GABBR1: variants seen among roughly 807,000 people sequenced by gnomAD.
GABBR1 encodes the protein GABA-B receptor, R1 subunit.
GABBR1 carries 35 observed loss-of-function variants against 117.7 expected under a neutral mutation model. The ratio of observed to expected loss-of-function variants is 0.30; its 90% confidence interval spans 0.23 to 0.39. The LOEUF (loss-of-function observed/expected upper bound fraction) is 0.39. GABBR1 is among the 10% of genes least tolerant of loss of function. The probability of loss-of-function intolerance (pLI) is 1.00; values close to 1 mark genes in which losing one functional copy is unlikely to be tolerated. For synonymous variants in GABBR1, 442 were observed against 486.6 expected (o/e 0.91, Z 1.21); for missense variants, 709 against 1,241.8 (o/e 0.57, Z 6.45).
rs1761858690 is a variant in GABBR1, at chr6:29,605,556, G to T, written c.2439+13C>A. 2 of 1,612,502 alleles carry T rather than the reference G, an allele frequency of 1.2e-6. No individual in the cohort carries two copies. Among genetic ancestry groups the T allele is most frequent in the Non-Finnish European group, 1.7e-6 (2 of 1,179,946 alleles). On this transcript the variant is annotated intron_variant, in intron 20 of 22. Transcript: ENST00000377034. The surrounding 1 kb of genome is among the most constrained non-coding windows in gnomAD (Gnocchi z 4.2). ...TCAGCCTACAGGGTCAATGCCATGG[G>T]GTCAGTGCTCACTGCCACATTGTAG...
In GABBR1 at chr6:29,616,876, G is replaced by A. The variant is rs1215048120; in HGVS notation, c.1324-3391C>T. Among the ~76,000 whole-genome samples the A allele has an allele frequency of 3.9e-4, 58 of 148,502 alleles. 1 individual carries two copies. Among genetic ancestry groups the A allele is most frequent in the Non-Finnish European group, 7.3e-4 (49 of 67,086 alleles). The stretch of plus-strand genomic sequence containing the variant: ...AAAAAAAAAAAAAAAGGCTGGGCGC[G>A]GTGGCTCACGCCTGTAATCCCAGCA... On this transcript the variant is annotated intron_variant, in intron 11 of 22. Coordinates refer to ENST00000377034, the MANE Select transcript of GABBR1 (RefSeq NM_001470.4).
chr6:29,627,239 C>A lies in GABBR1; in HGVS notation c.657+247G>T, dbSNP rs918135367. 6.6e-6 allele frequency among the ~76,000 whole-genome samples: 1 copy of A among 152,170 alleles called. No individual in the cohort carries two copies. Among genetic ancestry groups the A allele is most frequent in the African/African-American group, 2.4e-5 (1 of 41,444 alleles). The stretch of plus-strand genomic sequence containing the variant: ...CGACACTTCTGCGAGACTCCCGCAG[C>A]GGGGCAGAAGGGTCTGCCTTGCAGC... On this transcript the variant is annotated intron_variant, in intron 6 of 22. Transcript: ENST00000377034. This position sits in a 1 kb window ranked among gnomAD's most constrained non-coding sequence, Gnocchi z 4.4.
Position 29,606,523 on chromosome 6 carries a change from G to T in GABBR1, c.2218-39C>A. On this transcript the variant is annotated intron_variant, in intron 18 of 22. Coordinates refer to ENST00000377034, the MANE Select transcript of GABBR1 (RefSeq NM_001470.4). The surrounding 1 kb of genome is among the most constrained non-coding windows in gnomAD (Gnocchi z 4.5). ...AAGGTCACAAGAAAGATGGTTGCCA[G>T]CCTCCCCTCCTCTCCTCAACGCTTC... 7.2e-7 allele frequency: 1 copy of T among 1,392,496 alleles called. No individual in the cohort carries two copies. Among genetic ancestry groups the T allele is most frequent in the Non-Finnish European group, 1.0e-6 (1 of 978,410 alleles). 86.3% of individuals were successfully genotyped at this position (1,392,496 alleles called of 1,614,324 possible).
chr6:29,609,196 G>T lies in GABBR1; in HGVS notation c.1859+33C>A. On this transcript the variant is annotated intron_variant, in intron 15 of 22. Transcript: ENST00000377034. The surrounding 1 kb of genome is among the most constrained non-coding windows in gnomAD (Gnocchi z 4.3). ...GGAACATGATCAGTATCTCAGAGAG[G>T]CAGACAAGGAAAACGTCAGAAGAGA... The T allele has an allele frequency of 6.2e-7, 1 of 1,604,444 alleles. No homozygotes were observed. Among genetic ancestry groups the T allele is most frequent in the Non-Finnish European group, 8.5e-7 (1 of 1,172,420 alleles).
rs780792151 is a variant in GABBR1, at chr6:29,632,341, C to CG, written c.44dup (p.Ala17ArgfsTer46). On this transcript the variant is annotated frameshift_variant, in exon 2 of 23. Transcript: ENST00000377034. LOFTEE classifies it high-confidence loss of function. This position sits in a 1 kb window ranked among gnomAD's most constrained non-coding sequence, Gnocchi z 5.8. ...TGGGGGTCTGCGCCCCGCCCGCGCC[C>CG]GGGGGGCGGAGGAAGAGTGGCGCCA... 6 of 1,364,488 alleles carry CG rather than the reference C, an allele frequency of 4.4e-6. No individual in the cohort carries two copies. Among genetic ancestry groups the CG allele is most frequent in the East Asian group, 3.1e-5 (1 of 32,360 alleles). The allele number at this position is 1,364,488 out of a possible 1,614,324, so 84.5% of individuals were successfully genotyped here.
intron 22 of GABBR1, among the ~76,000 whole-genome samples, 192 bp from the exon 23 acceptor site, chr6:29,603,908 A>T (rs1761675521): frequency 1.3e-5 from 2 of 152,110 alleles, no homozygotes; most frequent in Non-Finnish European, 2.9e-5. Flanking sequence ...CAGAGAACAT[A>T]AGGATACCGA....
intron 6 of GABBR1, among the ~76,000 whole-genome samples, chr6:29,624,979 G>A (rs1399639418): frequency 1.3e-5 from 2 of 151,980 alleles, no homozygotes; most frequent in Admixed American, 1.3e-4. Flanking sequence ...GGACTAAGGA[G>A]GGTGAAATGT....
intron 11 of GABBR1, among the ~76,000 whole-genome samples, chr6:29,615,195 G>A (rs771903980): frequency 1.3e-5 from 2 of 151,682 alleles, no homozygotes; most frequent in Non-Finnish European, 2.9e-5. Context: ...TGAGGGCTGA[G>A]GTGAGAAAAT....
chr6:29,611,012 G>C lies in GABBR1; in HGVS notation c.1631-11C>G. 6.2e-7 allele frequency: 1 copy of C among 1,609,582 alleles called. No individual in the cohort carries two copies. Among genetic ancestry groups the C allele is most frequent in the Non-Finnish European group, 8.5e-7 (1 of 1,176,918 alleles). On this transcript the variant is annotated splice_polypyrimidine_tract_variant and intron_variant, in intron 13 of 22. Coordinates refer to ENST00000377034, the MANE Select transcript of GABBR1 (RefSeq NM_001470.4). This position sits in a 1 kb window ranked among gnomAD's most constrained non-coding sequence, Gnocchi z 4.6. ...TCTTGTAGCTGCCACCTGGGCAGAC[G>C]ACAATAAAAGGAGTGACCACAGGTA...
Position 29,620,970 on chromosome 6 carries a change from G to C in GABBR1, c.1323+131C>G. On this transcript the variant is annotated intron_variant, in intron 11 of 22. Coordinates refer to ENST00000377034, the MANE Select transcript of GABBR1 (RefSeq NM_001470.4). The surrounding 1 kb of genome is among the most constrained non-coding windows in gnomAD (Gnocchi z 4.5). Reference sequence around the variant, plus strand: ...GGAAACATAATGCAGACAAGTTCAGGGTGGGCACAGCCCCCTCTTCTCCTT... The same window carrying C: ...GGAAACATAATGCAGACAAGTTCAGCGTGGGCACAGCCCCCTCTTCTCCTT... 1.5e-6 allele frequency: 1 copy of C among 681,742 alleles called. No individual in the cohort carries two copies. The highest frequency in any genetic ancestry group is 1.9e-5 in the South Asian group (1 of 52,406). 42.2% of individuals were successfully genotyped at this position (681,742 alleles called of 1,614,324 possible). A position where few individuals can be genotyped will look rare whatever the true frequency, so the allele number is the denominator to read the frequency against.
chr6:29,622,790 T>A lies in GABBR1; in HGVS notation c.963+515A>T, dbSNP rs3025627. 7.6e-3 allele frequency among the ~76,000 whole-genome samples: 1,153 copies of A among 152,098 alleles called. 10 individuals are homozygous for A. Among genetic ancestry groups the A allele is most frequent in the African/African-American group, 0.025 (1,019 of 41,470 alleles). On this transcript the variant is annotated intron_variant, in intron 8 of 22. Coordinates refer to ENST00000377034, the MANE Select transcript of GABBR1 (RefSeq NM_001470.4). This position sits in a 1 kb window ranked among gnomAD's most constrained non-coding sequence, Gnocchi z 4.6. Reference sequence around the variant, plus strand: ...CTCCTTGTCTGTCGGCTTCTCTCTCTTAGTACCAACTACCAGATCCATGCA... The same window carrying A: ...CTCCTTGTCTGTCGGCTTCTCTCTCATAGTACCAACTACCAGATCCATGCA...
At position 29,609,276 on chromosome 6, in the gene GABBR1, G is replaced by C. The variant is rs761843558; in HGVS notation, c.1812C>G (p.Val604=). ...TAAAGGACAGACAGACAACAGCTAG[G>C]ACAATGCCCAGGCTGGAGAGAACTG... ...SVSVLSSLGI[V]LAVVCLSFNI... The change falls in exon 15 of 23, where the codon GTC becomes GTG. Residue 604 remains valine (V), a synonymous_variant. Transcript: ENST00000377034. This position sits in a 1 kb window ranked among gnomAD's most constrained non-coding sequence, Gnocchi z 4.3. The C allele has an allele frequency of 3.1e-6, 5 of 1,612,908 alleles. No homozygotes were observed. Among genetic ancestry groups the C allele is most frequent in the Non-Finnish European group, 4.2e-6 (5 of 1,180,002 alleles).
Position 29,622,052 on chromosome 6 carries a change from C to T in GABBR1, c.1065+52G>A. The T allele has an allele frequency of 1.0e-5, 15 of 1,484,044 alleles. No homozygotes were observed. Among genetic ancestry groups the T allele is most frequent in the Admixed American group, 1.7e-5 (1 of 59,700 alleles). The allele number at this position is 1,484,044 out of a possible 1,614,324, so 91.9% of individuals were successfully genotyped here. A position where few individuals can be genotyped will look rare whatever the true frequency, so the allele number is the denominator to read the frequency against. ...GCTTTCCTCTCCAACCAGTCACTGTCCCCCAGCTTGGTCCCTCCGTAAACA... is the reference window on the plus strand; with the variant it reads ...GCTTTCCTCTCCAACCAGTCACTGTTCCCCAGCTTGGTCCCTCCGTAAACA... On this transcript the variant is annotated intron_variant, in intron 9 of 22. Coordinates refer to ENST00000377034, the MANE Select transcript of GABBR1 (RefSeq NM_001470.4). The surrounding 1 kb of genome is among the most constrained non-coding windows in gnomAD (Gnocchi z 4.6).
At position 29,621,178 on chromosome 6, in the gene GABBR1, T is replaced by A. The variant is rs761566668; in HGVS notation, c.1246A>T (p.Thr416Ser). 1.2e-6 allele frequency: 2 copies of A among 1,613,054 alleles called. No homozygotes were observed. Among genetic ancestry groups the A allele is most frequent in the Admixed American group, 3.3e-5 (2 of 60,026 alleles). The part of the protein sequence containing the change: ...PSINCTVDEM[T>S]EAVEGHITTE... ...GTGATGTGGCCCTCCACCGCCTCAG[T>A]CATCTCATCCACTGTGCAGTTGATA... The change falls in exon 11 of 23, where the codon ACT becomes TCT. Residue 416 changes from threonine (T) to serine (S), a missense_variant. Physicochemically the swap from Thr to Ser is moderately conservative, Grantham distance 58. This residue lies in a region of GABBR1 where 192 missense variants were observed against 418.4 expected (regional missense o/e 0.46). Transcript: ENST00000377034. This position sits in a 1 kb window ranked among gnomAD's most constrained non-coding sequence, Gnocchi z 5.0.
At chr6:29,625,606 G>A (rs1037289715) in intron 6 of GABBR1, among the ~76,000 whole-genome samples, 6 of 152,010 alleles carry the variant, frequency 3.9e-5, no homozygotes, top group Non-Finnish European at 5.9e-5. Flanking sequence ...GCAGGAAACC[G>A]ACTCATTCCA....
At chr6:29,619,063 C>T (rs1271288232) in intron 11 of GABBR1, among the ~76,000 whole-genome samples, 1 of 152,164 alleles carries the variant, frequency 6.6e-6, no homozygotes, top group Non-Finnish European at 1.5e-5. Flanking sequence ...GTTCTCAGGC[C>T]CTAGCCCAGA....
In GABBR1 at chr6:29,622,168, CCAGCCTCCTT is replaced by C; in HGVS notation, c.991_1000del (p.Lys331GlufsTer21). On this transcript the variant is annotated frameshift_variant, in exon 9 of 23. Transcript: ENST00000377034. LOFTEE classifies it high-confidence loss of function. The surrounding 1 kb of genome is among the most constrained non-coding windows in gnomAD (Gnocchi z 4.6). ...ACTCTGGCGGAAAGTAATCTCAATTCCAGCCTCCTTCACTCGTTCCTCCAGGTCGTCCAGA... is the reference window on the plus strand; with the variant it reads ...ACTCTGGCGGAAAGTAATCTCAATTCCACTCGTTCCTCCAGGTCGTCCAGA... The C allele has an allele frequency of 6.2e-7, 1 of 1,614,146 alleles. No homozygotes were observed. The highest frequency in any genetic ancestry group is 8.5e-7 in the Non-Finnish European group (1 of 1,180,016).
intron 11 of GABBR1, among the ~76,000 whole-genome samples, chr6:29,616,890 G>T (rs1345424275): frequency 6.9e-6 from 1 of 144,688 alleles, no homozygotes; most frequent in Non-Finnish European, 1.5e-5. Context: ...GCTCACGCCT[G>T]TAATCCCAGC....
chr6:29,608,774 C>T (rs535450853), intron 15 of GABBR1, 41 bp from the exon 16 acceptor site: 12 of 1,597,638 alleles, frequency 7.5e-6, no homozygotes, highest in South Asian at 6.7e-5. Context: ...GAGAGAATTA[C>T]CCCTCTTCTC....
Sources: gnomAD v4.1 joint callset for allele counts (sites outside exome capture counted in the v4.1 genomes callset) on GRCh38, gnomAD v4.1.1 for gene constraint, gnomAD v4.1.1 regional missense constraint, Gnocchi (gnomAD v3.1) non-coding constraint, MANE v1.5 for transcripts, NCBI Gene and HGNC (gene_info 2026-07-23, HGNC 2026-07-21) for gene names.